The following MAK variants were observed in gnomAD, a reference collection of about 807,000 sequenced individuals.
MAK encodes male germ cell associated kinase, also known as serine/threonine-protein kinase MAK.
A neutral mutation model predicts 82.6 loss-of-function variants in MAK; 65 were observed. The observed-to-expected ratio is 0.79, with a 90% CI of 0.64 to 0.97. The LOEUF is 0.97. Among genes scored for constraint, MAK ranks in the 50% least tolerant of loss-of-function variants. The pLI is 0.00. For missense variants in MAK, 703 were observed against 780.2 expected (o/e 0.90, Z 1.18); for synonymous variants, 250 against 274.2 (o/e 0.91, Z 0.87).
intron 9 of MAK, among the ~76,000 whole-genome samples, chr6:10,792,452 C>G (rs979410705): frequency 6.6e-6 from 1 of 152,208 alleles, no homozygotes. Flanking sequence ...ATTGTTTAAG[C>G]CACAGTGGTC....
chr6:10,779,513 A>G, intron 11 of MAK: 1 of 983,466 alleles, frequency 1.0e-6, no homozygotes, highest in Middle Eastern at 5.2e-4. Flanking sequence ...ATTATATGGT[A>G]CATTTCTAGA....
At chr6:10,808,989 A>T (rs1233201495) in intron 5 of MAK, 47 bp from the exon 6 acceptor site, 1 of 1,483,978 alleles carries the variant, frequency 6.7e-7, no homozygotes, top group Non-Finnish European at 9.4e-7. Context: ...CATTACGTTT[A>T]AACATAGCTT....
rs1475316181 is a variant in MAK at position 10,801,969 on chromosome 6, T to C, written c.754A>G (p.Asn252Asp). 1 of 1,614,138 alleles carries C rather than the reference T, an allele frequency of 6.2e-7. No individual in the cohort carries two copies. The highest frequency in any genetic ancestry group is 1.7e-5 in the Admixed American group (1 of 60,022). Reference sequence around the variant, plus strand: ...AGCTGAATAGCTTCATTACTGGCATTGGGAATAAGAGTTTTTAAGTTTATA... The same window carrying C: ...AGCTGAATAGCTTCATTACTGGCATCGGGAATAAGAGTTTTTAAGTTTATA... ...VPINLKTLIP[N>D]ASNEAIQLMT... The change falls in exon 8 of 15, where the codon AAT (asparagine) becomes GAT (aspartate). Residue 252 changes from asparagine (N) to aspartate (D), a missense_variant. Transcript: ENST00000354489.
intron 12 of MAK, 138 bp from the exon 13 acceptor site, chr6:10,773,246 C>T (rs1773178834): frequency 3.9e-6 from 2 of 516,156 alleles, no homozygotes; most frequent in African/African-American, 3.8e-5. Flanking sequence ...CCATTGTTGT[C>T]ACAGCATTTA....
Position 10,815,911 on chromosome 6 carries a change from A to AGTGTAT in MAK, c.278+1938_278+1939insATACAC, listed in dbSNP as rs1233214233. ...GTACTGTATTAGTGTAGCTTTATACAGTATATATATATATATATATATATA... is the reference window on the plus strand; with the variant it reads ...GTACTGTATTAGTGTAGCTTTATACAGTGTATGTATATATATATATATATATATATA... On this transcript the variant is annotated intron_variant, in intron 4 of 14. Transcript: ENST00000354489. Among the ~76,000 whole-genome samples, 74 of 78,184 alleles carry AGTGTAT rather than the reference A, an allele frequency of 9.5e-4. 1 individual carries two copies. The highest frequency in any genetic ancestry group is 5.3e-3 in the African/African-American group (74 of 14,062). 51.3% of individuals were successfully genotyped at this position (78,184 alleles called of 152,430 possible).
chr6:10,830,424 A>G, intron 2 of MAK, 124 bp downstream of exon 2: 3 of 796,616 alleles, frequency 3.8e-6, no homozygotes, highest in Non-Finnish European at 6.6e-6. Flanking sequence ...TCGGCCTCCC[A>G]AAGTGCTGGG....
intron 8 of MAK, among the ~76,000 whole-genome samples, chr6:10,801,043 T>TTTTTTTTTTTTTTTTTTTTTTGA (rs1775979576): frequency 6.6e-6 from 1 of 152,070 alleles, no homozygotes. Flanking sequence ...TCAATTCTTA[T>TTTTTTTTTTTTTTTTTTTTTTGA]GCCAGTACTT....
chr6:10,806,013 A>G (rs538903930), intron 6 of MAK, among the ~76,000 whole-genome samples: 2 of 152,252 alleles, frequency 1.3e-5, no homozygotes, highest in South Asian at 4.1e-4. Context: ...CGGATCCCTC[A>G]TGAAAGGCCT....
chr6:10,811,496 C>T (rs1422257281), intron 5 of MAK, among the ~76,000 whole-genome samples: 1 of 152,222 alleles, frequency 6.6e-6, no homozygotes, highest in Non-Finnish European at 1.5e-5. Flanking sequence ...CGTAATCGAA[C>T]TTCCTCCTTC....
intron 9 of MAK, 126 bp downstream of exon 9, chr6:10,795,872 G>A: frequency 1.0e-6 from 1 of 959,492 alleles, no homozygotes; most frequent in Non-Finnish European, 1.7e-6. Flanking sequence ...CCAACCAGAG[G>A]ACTCAGGGTC....
At chr6:10,832,058 CT>C (rs748436724) in intron 1 of MAK, among the ~76,000 whole-genome samples, 341 of 152,314 alleles carry the variant, frequency 2.2e-3, no homozygotes, top group Admixed American at 3.3e-3. Flanking sequence ...GTCCTCACCC[CT>C]GTCACCATCA....
chr6:10,784,618 G>GATCTCACCCACCCTCTGCAC, intron 10 of MAK, 46 bp from the exon 11 acceptor site: 1 of 1,335,750 alleles, frequency 7.5e-7, no homozygotes, highest in Non-Finnish European at 1.1e-6. Flanking sequence ...ACAACGAGAG[G>GATCTCACCCACCCTCTGCAC]ATCTCGCCCA....
intron 5 of MAK, among the ~76,000 whole-genome samples, chr6:10,813,272 C>T (rs1228646951): frequency 1.4e-5 from 2 of 143,488 alleles, no homozygotes; most frequent in Admixed American, 1.4e-4. Context: ...CCTCAACCTC[C>T]TGAGTAGCTG....
At chr6:10,802,270 A>G (rs946775562) in intron 7 of MAK, 2 of 528,642 alleles carry the variant, frequency 3.8e-6, no homozygotes, top group African/African-American at 3.8e-5. Context: ...GTTAGGAAAC[A>G]ATGCGAAAAG....
intron 12 of MAK, 113 bp downstream of exon 12, chr6:10,775,215 G>C: frequency 7.7e-7 from 1 of 1,306,442 alleles, no homozygotes; most frequent in Admixed American, 1.7e-5. Flanking sequence ...GAAAACCTTT[G>C]TGTATCTCCC....
chr6:10,830,846 A>G lies in MAK; in HGVS notation c.-198T>C. 2 of 610,250 alleles carry G rather than the reference A, an allele frequency of 3.3e-6. No individual in the cohort carries two copies. Among genetic ancestry groups the G allele is most frequent in the Non-Finnish European group, 6.0e-6 (2 of 334,584 alleles). 37.8% of individuals were successfully genotyped at this position (610,250 alleles called of 1,614,324 possible). ...GAGATATAGCATGAAGGAATCGGGC[A>G]AGGAAACAACACTTCCATTCTTATA... On this transcript the variant is annotated 5_prime_UTR_variant, in exon 2 of 15. Transcript: ENST00000354489.
intron 1 of MAK, among the ~76,000 whole-genome samples, chr6:10,836,095 G>C (rs1483178944): frequency 2.0e-5 from 3 of 152,198 alleles, no homozygotes; most frequent in Non-Finnish European, 4.4e-5. Flanking sequence ...TCTTTCAACG[G>C]ATGATGGCTA....
At chr6:10,814,124 G>A (rs1320896957) in intron 4 of MAK, among the ~76,000 whole-genome samples, 1 of 151,848 alleles carries the variant, frequency 6.6e-6, no homozygotes, top group South Asian at 2.1e-4. Flanking sequence ...CATGCACCAC[G>A]ATGCCTGGCT....
intron 5 of MAK, among the ~76,000 whole-genome samples, chr6:10,810,913 G>A (rs1292729413): frequency 6.6e-6 from 1 of 152,100 alleles, no homozygotes; most frequent in East Asian, 1.9e-4. Context: ...TACAGCTGAG[G>A]TTTTCCCCAT....
Sources: allele counts gnomAD v4.1 joint callset (sites outside exome capture counted in the v4.1 genomes callset), GRCh38; gene constraint gnomAD v4.1.1; transcripts MANE v1.5; gene names NCBI Gene and HGNC (gene_info 2026-07-23, HGNC 2026-07-21).